Variants in TYW1 observed in about 807,000 individuals in gnomAD.
TYW1 encodes tRNA-yW synthesizing protein 1 homolog, also known as S-adenosyl-L-methionine-dependent tRNA 4-demethylwyosine synthase TYW1.
TYW1 carries 46 observed loss-of-function variants against 96.2 expected under a neutral mutation model. That is an observed-to-expected ratio of 0.48 (90% CI 0.38 to 0.61). TYW1 has a LOEUF of 0.61. Ranked by LOEUF, TYW1 falls within the 20% of genes least tolerant of loss-of-function variation. The pLI is 0.00. For missense variants in TYW1, 684 were observed against 909.6 expected (o/e 0.75, Z 3.19); for synonymous variants, 274 against 323.0 (o/e 0.85, Z 1.63).
intron 13 of TYW1, among the ~76,000 whole-genome samples, chr7:67,156,531 CTT>C (rs1299622451): frequency 2.0e-5 from 3 of 152,158 alleles, no homozygotes; most frequent in Non-Finnish European, 4.4e-5. Context: ...TGTTTTGGCT[CTT>C]TTCGTCCTGG....
intron 13 of TYW1, among the ~76,000 whole-genome samples, 166 bp downstream of exon 13, chr7:67,117,784 C>T (rs774324669): frequency 7.9e-5 from 12 of 152,130 alleles, no homozygotes; most frequent in Non-Finnish European, 1.5e-4. Flanking sequence ...CTTCCTTCTT[C>T]AAGGAATTTT....
rs1196059430 is a variant in TYW1 at position 67,013,848 on chromosome 7, A to G, written c.376-519A>G. Among the ~76,000 whole-genome samples, 12 of 139,118 alleles carry G rather than the reference A, an allele frequency of 8.6e-5. No homozygotes were observed. In the East Asian group the frequency reaches 2.6e-3, roughly 30 times the overall value. The allele number at this position is 139,118 out of a possible 152,430, so 91.3% of individuals were successfully genotyped here. A position where few individuals can be genotyped will look rare whatever the true frequency, so the allele number is the denominator to read the frequency against. On this transcript the variant is annotated intron_variant, in intron 4 of 15. Coordinates refer to ENST00000359626, the MANE Select transcript of TYW1 (RefSeq NM_018264.4). The stretch of plus-strand genomic sequence containing the variant: ...AAGCTCTGCCTCCTGGATTCATGCC[A>G]TTCTCCTGCCTCAGCCTCCTGAGTA...
At position 67,014,855 on chromosome 7, in the gene TYW1, G is replaced by A. The variant is rs1004709270; in HGVS notation, c.570+294G>A. On this transcript the variant is annotated intron_variant, in intron 5 of 15. Transcript: ENST00000359626. Reference sequence around the variant, plus strand: ...GTGATTTCTCCTGCCTCAACCTCCCGAGTAGCTGGGATTACAGGCATGTGC... The same window carrying A: ...GTGATTTCTCCTGCCTCAACCTCCCAAGTAGCTGGGATTACAGGCATGTGC... Among the ~76,000 whole-genome samples, 13 of 151,884 alleles carry A rather than the reference G, an allele frequency of 8.6e-5. No homozygotes were observed. The East Asian group carries it at 1.6e-3, about 18-fold the overall frequency.
chr7:67,160,412 T>C (rs2116214401), intron 13 of TYW1, among the ~76,000 whole-genome samples: 1 of 152,308 alleles, frequency 6.6e-6, no homozygotes, highest in East Asian at 1.9e-4. Flanking sequence ...ATTTCTATTC[T>C]TTTTGAAGTA....
intron 13 of TYW1, among the ~76,000 whole-genome samples, chr7:67,166,612 G>A (rs941899101): frequency 1.4e-4 from 21 of 151,536 alleles, no homozygotes; most frequent in Admixed American, 1.3e-3. Flanking sequence ...TGAATGTTGT[G>A]GAATCCTAAC....
intron 9 of TYW1, among the ~76,000 whole-genome samples, chr7:67,056,543 G>A (rs1465483754): frequency 6.6e-6 from 1 of 151,080 alleles, no homozygotes; most frequent in East Asian, 1.9e-4. Flanking sequence ...GTAATGTGCA[G>A]TCTTTTGCAA....
chr7:67,185,397 A>T (rs1449580087), intron 14 of TYW1, among the ~76,000 whole-genome samples: 1 of 151,630 alleles, frequency 6.6e-6, no homozygotes, highest in African/African-American at 2.4e-5. Flanking sequence ...CAAGCAAGAG[A>T]TGGTTTGGGG....
chr7:67,079,529 TTATCTTTTTA>T (rs1796316620), intron 10 of TYW1, among the ~76,000 whole-genome samples: 1 of 151,972 alleles, frequency 6.6e-6, no homozygotes, highest in Non-Finnish European at 1.5e-5. Flanking sequence ...TTGTCGATGT[TTATCTTTTTA>T]ACAAATGAAC....
chr7:67,212,657 A>G (rs2116397131), intron 15 of TYW1, among the ~76,000 whole-genome samples: 1 of 138,930 alleles, frequency 7.2e-6, no homozygotes, highest in South Asian at 2.4e-4. Context: ...TTTGGTGTAT[A>G]TCACGGTTTT....
At chr7:67,022,784 T>C (rs1794317589) in intron 6 of TYW1, among the ~76,000 whole-genome samples, 1 of 152,156 alleles carries the variant, frequency 6.6e-6, no homozygotes, top group Non-Finnish European at 1.5e-5. Flanking sequence ...CTGGGAACAA[T>C]TTATTTTGTC....
At chr7:67,118,891 A>AC (rs1797680204) in intron 13 of TYW1, among the ~76,000 whole-genome samples, 1 of 137,802 alleles carries the variant, frequency 7.3e-6, no homozygotes, top group Admixed American at 7.2e-5. Flanking sequence ...AAAAAAAAAA[A>AC]AAAAAAAAAA....
intron 10 of TYW1, among the ~76,000 whole-genome samples, chr7:67,069,994 TG>T (rs1171153174): frequency 6.6e-6 from 1 of 152,232 alleles, no homozygotes; most frequent in Non-Finnish European, 1.5e-5. Flanking sequence ...AGAATTGTTT[TG>T]TTAGATATAG....
intron 13 of TYW1, among the ~76,000 whole-genome samples, chr7:67,137,674 G>A (rs753261555): frequency 1.3e-5 from 2 of 152,108 alleles, no homozygotes; most frequent in Non-Finnish European, 2.9e-5. Flanking sequence ...GCGTGGCTGA[G>A]CATTACATCT....
At chr7:67,020,942 C>T (rs953988716) in intron 6 of TYW1, among the ~76,000 whole-genome samples, 3 of 152,384 alleles carry the variant, frequency 2.0e-5, no homozygotes, top group Admixed American at 6.5e-5. Context: ...GCAGGAGAAT[C>T]GCTTGAACTT....
intron 12 of TYW1, among the ~76,000 whole-genome samples, chr7:67,109,166 C>T (rs1043189686): frequency 1.4e-5 from 2 of 145,542 alleles, no homozygotes; most frequent in Non-Finnish European, 3.0e-5. Context: ...CCCAGCTACT[C>T]GGGAGGCTGA....
intron 15 of TYW1, among the ~76,000 whole-genome samples, chr7:67,218,360 T>A (rs1019077147): frequency 1.3e-5 from 1 of 78,696 alleles, no homozygotes; most frequent in African/African-American, 6.2e-5. Context: ...TATTTATTTA[T>A]TTTTTTTTTT....
chr7:67,013,957 A>T (rs188715715), intron 4 of TYW1, among the ~76,000 whole-genome samples: 2 of 151,544 alleles, frequency 1.3e-5, no homozygotes, highest in African/African-American at 2.4e-5. Context: ...ATTAGCCAGG[A>T]TGGTCTCGAT....
At chr7:67,086,627 A>C (rs2844095) in intron 11 of TYW1, among the ~76,000 whole-genome samples, 1 of 152,320 alleles carries the variant, frequency 6.6e-6, no homozygotes, top group Admixed American at 6.5e-5. Flanking sequence ...CAAAGGCATT[A>C]TCCTGGCAGA....
intron 14 of TYW1, among the ~76,000 whole-genome samples, chr7:67,191,693 G>A (rs1800223964): frequency 6.6e-6 from 1 of 150,474 alleles, no homozygotes; most frequent in African/African-American, 2.5e-5. Flanking sequence ...TGGGGCAGTC[G>A]CAGCAGAGAG....
Sources: gnomAD v4.1 joint callset for allele counts (sites outside exome capture counted in the v4.1 genomes callset) on GRCh38, gnomAD v4.1.1 for gene constraint, MANE v1.5 for transcripts, NCBI Gene and HGNC (gene_info 2026-07-23, HGNC 2026-07-21) for gene names.